The following PDSS2 variants were observed in gnomAD, a reference collection of about 807,000 sequenced individuals.
PDSS2 encodes decaprenyl diphosphate synthase subunit 2.
Under a neutral mutation model 44.5 loss-of-function variants are expected in PDSS2, and 31 were observed. The ratio of observed to expected loss-of-function variants is 0.70; its 90% CI spans 0.52 to 0.94. The LOEUF is 0.94. Among genes scored for constraint, PDSS2 ranks in the 40% least tolerant of loss-of-function variants. The pLI is 0.00. For missense variants in PDSS2, 452 were observed against 482.2 expected (o/e 0.94, Z 0.59); for synonymous variants, 157 against 180.3 (o/e 0.87, Z 1.03).
At chr6:107,430,326 CCT>C (rs1781156061) in intron 1 of PDSS2, among the ~76,000 whole-genome samples, 1 of 151,948 alleles carries the variant, frequency 6.6e-6, no homozygotes, top group African/African-American at 2.4e-5. Flanking sequence ...ACGACAACAC[CCT>C]GTCTCTACTA....
chr6:107,380,177 C>T (rs556968777), intron 1 of PDSS2, among the ~76,000 whole-genome samples: 195 of 152,182 alleles, frequency 1.3e-3, no homozygotes, highest in Non-Finnish European at 2.4e-3. Context: ...TTTGGGTTTC[C>T]CTAGAAACTC....
At chr6:107,412,840 A>C (rs987751408) in intron 1 of PDSS2, among the ~76,000 whole-genome samples, 2 of 152,198 alleles carry the variant, frequency 1.3e-5, no homozygotes, top group Non-Finnish European at 2.9e-5. Flanking sequence ...ATCTGAGTAT[A>C]CAACATAAAG....
intron 1 of PDSS2, among the ~76,000 whole-genome samples, chr6:107,415,836 G>T (rs1482377090): frequency 3.3e-5 from 5 of 152,186 alleles, no homozygotes; most frequent in Non-Finnish European, 7.3e-5. Flanking sequence ...TTATGAAAAG[G>T]TACTGTATCA....
intron 4 of PDSS2, among the ~76,000 whole-genome samples, chr6:107,231,248 T>C (rs945044112): frequency 6.6e-6 from 1 of 152,170 alleles, no homozygotes; most frequent in Admixed American, 6.6e-5. Context: ...CATGTGAAAA[T>C]GCTGTTTTGG....
rs114740005 is a variant in PDSS2 at position 107,347,432 on chromosome 6, G to T, written c.297-13100C>A. Among the ~76,000 whole-genome samples, 684 of 151,966 alleles carry T rather than the reference G, an allele frequency of 4.5e-3. 5 individuals are homozygous for T. Among genetic ancestry groups the T allele is most frequent in the African/African-American group, 0.015 (631 of 41,472 alleles). The stretch of plus-strand genomic sequence containing the variant: ...TTACAGGCGCCTGCCATCACGCCTG[G>T]CTAACTTTTTGTCTTTTCAGTAGAG... On this transcript the variant is annotated intron_variant, in intron 1 of 7. Coordinates refer to ENST00000369037, the MANE Select transcript of PDSS2 (RefSeq NM_020381.4).
intron 7 of PDSS2, among the ~76,000 whole-genome samples, chr6:107,187,990 G>C (rs1219645023): frequency 6.6e-6 from 1 of 152,222 alleles, no homozygotes. Context: ...TTTAGATAGG[G>C]AAGCTGGAGT....
intron 4 of PDSS2, among the ~76,000 whole-genome samples, chr6:107,229,159 G>GA (rs1309069969): frequency 1.4e-5 from 2 of 146,176 alleles, no homozygotes; most frequent in Non-Finnish European, 2.9e-5. Flanking sequence ...TAACTCCAAG[G>GA]AAAAAAAATA....
intron 1 of PDSS2, among the ~76,000 whole-genome samples, chr6:107,440,386 A>T (rs947230421): frequency 6.6e-6 from 1 of 152,226 alleles, no homozygotes; most frequent in South Asian, 2.1e-4. Context: ...TTTGATCTTA[A>T]CATGTACTCT....
intron 7 of PDSS2, among the ~76,000 whole-genome samples, chr6:107,175,095 C>T (rs1004797582): frequency 6.6e-6 from 1 of 151,980 alleles, no homozygotes; most frequent in Non-Finnish European, 1.5e-5. Context: ...GCCTGTAATC[C>T]CAGCTACTCG....
intron 1 of PDSS2, among the ~76,000 whole-genome samples, chr6:107,442,576 G>A (rs187868395): frequency 5.0e-4 from 76 of 152,274 alleles, no homozygotes; most frequent in Middle Eastern, 3.4e-3. Flanking sequence ...TAGCCTTAGT[G>A]TTTACCTCCT....
intron 4 of PDSS2, among the ~76,000 whole-genome samples, chr6:107,222,502 A>G (rs757744388): frequency 7.2e-5 from 11 of 151,904 alleles, no homozygotes; most frequent in Non-Finnish European, 1.6e-4. Context: ...TAAAAATACA[A>G]AAAATTAGCT....
chr6:107,284,066 A>AAT (rs373143132), intron 2 of PDSS2, among the ~76,000 whole-genome samples: 2 of 151,366 alleles, frequency 1.3e-5, no homozygotes, highest in East Asian at 3.9e-4. Context: ...TAAATAAATA[A>AAT]AAATAAAATA....
chr6:107,417,594 A>G, intron 1 of PDSS2, among the ~76,000 whole-genome samples: 1 of 152,096 alleles, frequency 6.6e-6, no homozygotes. Flanking sequence ...CCCCATCTCT[A>G]CTAAAAATAC....
intron 4 of PDSS2, among the ~76,000 whole-genome samples, chr6:107,237,955 G>T (rs1774285211): frequency 6.7e-6 from 1 of 149,484 alleles, no homozygotes. Flanking sequence ...AAGTTATCTT[G>T]CCCCACAAAA....
At chr6:107,429,901 A>AAAAAAAAAAT (rs1166637352) in intron 1 of PDSS2, among the ~76,000 whole-genome samples, 31 of 31,826 alleles carry the variant, frequency 9.7e-4, no homozygotes, top group South Asian at 2.6e-3. Flanking sequence ...AAAAAAAAAA[A>AAAAAAAAAAT]ATATATATAT....
intron 1 of PDSS2, among the ~76,000 whole-genome samples, chr6:107,409,593 T>G (rs750418775): frequency 1.3e-5 from 2 of 152,192 alleles, no homozygotes; most frequent in Non-Finnish European, 2.9e-5. Flanking sequence ...AATTCTTCCT[T>G]AAACTTAACC....
At chr6:107,235,697 C>T (rs947022240) in intron 4 of PDSS2, among the ~76,000 whole-genome samples, 1 of 151,956 alleles carries the variant, frequency 6.6e-6, no homozygotes, top group African/African-American at 2.4e-5. Context: ...AAATACAACC[C>T]ATAATGAGGG....
intron 7 of PDSS2, among the ~76,000 whole-genome samples, chr6:107,188,930 G>A (rs1386225301): frequency 6.6e-6 from 1 of 152,070 alleles, no homozygotes; most frequent in East Asian, 1.9e-4. Context: ...TTGAGACAGG[G>A]TCTCACTCTC....
chr6:107,223,750 A>T (rs1773694208), intron 4 of PDSS2, among the ~76,000 whole-genome samples: 1 of 148,582 alleles, frequency 6.7e-6, no homozygotes, highest in Admixed American at 6.6e-5. Flanking sequence ...AATGACATCT[A>T]TGTACCCGCC....
Sources: gnomAD v4.1 joint callset for allele counts (sites outside exome capture counted in the v4.1 genomes callset) on GRCh38, gnomAD v4.1.1 for gene constraint, MANE v1.5 for transcripts, NCBI Gene and HGNC (gene_info 2026-07-23, HGNC 2026-07-21) for gene names.